The following CSMD1 variants were observed in gnomAD, a reference collection of about 807,000 sequenced individuals.
CSMD1 encodes CUB and Sushi multiple domains 1, also known as CUB and sushi domain-containing protein 1.
A neutral mutation model predicts 417.5 loss-of-function variants in CSMD1; 213 were observed. The ratio of observed to expected loss-of-function variants is 0.51; its 90% CI spans 0.46 to 0.57. The LOEUF (loss-of-function observed/expected upper bound fraction) is 0.57. Among genes scored for constraint, CSMD1 ranks in the 20% least tolerant of loss-of-function variants. The pLI, the probability that CSMD1 is intolerant of heterozygous loss-of-function variation, is 0.00. For missense variants in CSMD1, 6,923 were observed against 4,529.7 expected, an observed-to-expected ratio of 1.53 and a Z score of -15.17; for synonymous variants, 2,862 against 1,736.8, an observed-to-expected ratio of 1.65 and a Z score of -16.11.
At chr8:3,994,558 C>A (rs1239297455) in intron 5 of CSMD1, among the ~76,000 whole-genome samples, 1 of 151,246 alleles carries the variant, frequency 6.6e-6, no homozygotes, top group African/African-American at 2.4e-5. Flanking sequence ...CTCAAAATGG[C>A]AACTCTCTGT....
At chr8:4,145,560 A>C (rs559477399) in intron 3 of CSMD1, among the ~76,000 whole-genome samples, 1 of 150,938 alleles carries the variant, frequency 6.6e-6, no homozygotes, top group Non-Finnish European at 1.5e-5. Context: ...TTACATTGTT[A>C]TTATTTTTTG....
chr8:4,186,178 C>G (rs1017631075), intron 3 of CSMD1, among the ~76,000 whole-genome samples: 33 of 152,092 alleles, frequency 2.2e-4, no homozygotes, highest in Non-Finnish European at 4.6e-4. Context: ...TCAAGGTGCC[C>G]TGAATGTTCC....
intron 49 of CSMD1, among the ~76,000 whole-genome samples, chr8:3,061,436 C>A (rs186069977): frequency 1.3e-5 from 2 of 152,148 alleles, no homozygotes; most frequent in African/African-American, 2.4e-5. Context: ...TCAGAATGTT[C>A]GGGACATTTA....
At chr8:4,042,593 G>A (rs994999354) in intron 3 of CSMD1, among the ~76,000 whole-genome samples, 2 of 151,784 alleles carry the variant, frequency 1.3e-5, no homozygotes, top group Non-Finnish European at 2.9e-5. Flanking sequence ...GGAATTCCAA[G>A]CACCAGGAAT....
intron 2 of CSMD1, among the ~76,000 whole-genome samples, chr8:4,496,395 C>G (rs1801980356): frequency 6.6e-6 from 1 of 152,114 alleles, no homozygotes; most frequent in Admixed American, 6.6e-5. Flanking sequence ...CTGGAGAGAG[C>G]TGATGAGATT....
chr8:3,556,882 A>T (rs1236461319), intron 10 of CSMD1, among the ~76,000 whole-genome samples: 4 of 152,102 alleles, frequency 2.6e-5, no homozygotes, highest in African/African-American at 7.2e-5. Context: ...TTCGTACTTC[A>T]CAGGAAAGCC....
intron 3 of CSMD1, among the ~76,000 whole-genome samples, chr8:4,181,645 G>C (rs1188734509): frequency 2.0e-5 from 3 of 152,096 alleles, no homozygotes; most frequent in South Asian, 2.1e-4. Flanking sequence ...TTGCCTGTAA[G>C]AAAAGTTATA....
chr8:4,202,419 A>G (rs1799713303), intron 3 of CSMD1, among the ~76,000 whole-genome samples: 1 of 152,216 alleles, frequency 6.6e-6, no homozygotes, highest in Admixed American at 6.5e-5. Flanking sequence ...CAAGAATGGA[A>G]GAATGTAGAG....
intron 3 of CSMD1, among the ~76,000 whole-genome samples, chr8:4,293,237 A>C (rs1428164515): frequency 6.6e-6 from 1 of 152,192 alleles, no homozygotes; most frequent in Non-Finnish European, 1.5e-5. Context: ...GCCAGACTCC[A>C]AGGGCACAGA....
At chr8:4,320,145 A>G (rs1056346988) in intron 3 of CSMD1, among the ~76,000 whole-genome samples, 4 of 152,204 alleles carry the variant, frequency 2.6e-5, no homozygotes, top group African/African-American at 9.6e-5. Context: ...AGAACAAAGC[A>G]CAAAACTTTA....
chr8:4,461,751 T>TG (rs1233560390), intron 2 of CSMD1, among the ~76,000 whole-genome samples: 14 of 139,268 alleles, frequency 1.0e-4, no homozygotes, highest in Middle Eastern at 3.6e-3. Context: ...ATTTTTTTTT[T>TG]TTTTTTGGAG....
intron 60 of CSMD1, 111 bp from the exon 61 acceptor site, chr8:2,962,750 G>C: frequency 5.1e-6 from 6 of 1,176,342 alleles, no homozygotes; most frequent in South Asian, 1.6e-5. Flanking sequence ...TATTAAACAA[G>C]AAAAACGCTA....
intron 11 of CSMD1, among the ~76,000 whole-genome samples, chr8:3,486,412 C>A (rs533020624): frequency 5.3e-5 from 8 of 152,206 alleles, no homozygotes; most frequent in South Asian, 4.2e-4. Context: ...TAGCATCCTT[C>A]GATGTTTATT....
At chr8:4,930,687 T>G (rs1350558790) in intron 1 of CSMD1, among the ~76,000 whole-genome samples, 1 of 152,196 alleles carries the variant, frequency 6.6e-6, no homozygotes, top group Admixed American at 6.5e-5. Flanking sequence ...TATCAATGTT[T>G]AGGTCGTTTA....
intron 6 of CSMD1, among the ~76,000 whole-genome samples, chr8:3,732,906 C>T (rs1242971912): frequency 2.6e-5 from 4 of 152,100 alleles, no homozygotes; most frequent in Admixed American, 6.6e-5. Flanking sequence ...ATCTATCTAT[C>T]TATCATCTAT....
chr8:4,270,417 C>T (rs1046155153), intron 3 of CSMD1, among the ~76,000 whole-genome samples: 1 of 152,068 alleles, frequency 6.6e-6, no homozygotes, highest in Non-Finnish European at 1.5e-5. Context: ...TGCCTTGGCT[C>T]TTCTACTTTC....
At chr8:4,027,287 G>C (rs1797111753) in intron 4 of CSMD1, among the ~76,000 whole-genome samples, 1 of 152,188 alleles carries the variant, frequency 6.6e-6, no homozygotes, top group African/African-American at 2.4e-5. Context: ...GATGTTAGGA[G>C]AGAGTGAGTC....
At chr8:3,669,385 T>C (rs1000184331) in intron 7 of CSMD1, among the ~76,000 whole-genome samples, 2 of 152,168 alleles carry the variant, frequency 1.3e-5, no homozygotes, top group African/African-American at 4.8e-5. Flanking sequence ...GGCCTTGAGC[T>C]TCTTGGGCTG....
At chr8:3,310,072 A>C (rs1805204305) in intron 23 of CSMD1, among the ~76,000 whole-genome samples, 1 of 152,232 alleles carries the variant, frequency 6.6e-6, no homozygotes, top group South Asian at 2.1e-4. Flanking sequence ...ATCTTGGTGC[A>C]AAACAAAGGG....
Sources: gnomAD v4.1 joint callset for allele counts (sites outside exome capture counted in the v4.1 genomes callset) on GRCh38, gnomAD v4.1.1 for gene constraint, MANE v1.5 for transcripts, NCBI Gene and HGNC (gene_info 2026-07-23, HGNC 2026-07-21) for gene names.